Variants in IQCE observed in about 807,000 individuals in gnomAD.
The protein encoded by IQCE is IQ motif containing E.
Under a neutral mutation model 96.0 loss-of-function variants are expected in IQCE, and 115 were observed. The observed-to-expected ratio is 1.20, with a 90% CI of 1.03 to 1.40. The LOEUF (loss-of-function observed/expected upper bound fraction) is 1.40, where lower values mean the gene tolerates loss of function less well. IQCE is among the 40% of genes most tolerant of loss of function. The pLI is 0.00. For missense variants in IQCE, 1,041 were observed against 909.1 expected (o/e 1.15, Z -1.87); for synonymous variants, 412 against 371.2 (o/e 1.11, Z -1.26).
intron 3 of IQCE, among the ~76,000 whole-genome samples, chr7:2,570,420 A>T (rs534455297): frequency 6.6e-6 from 1 of 150,794 alleles, no homozygotes; most frequent in African/African-American, 2.4e-5. Context: ...ATAAATGACA[A>T]CTTAAATCTT....
rs776206111 is a variant in IQCE, at chr7:2,605,891, C to T, written c.1759C>T (p.Arg587Cys). Residue 587 changes from arginine to cysteine, a missense_variant, in exon 20 of 22, where the codon CGC (arginine) becomes TGC (cysteine). Physicochemically the swap from Arg to Cys is radical, Grantham distance 180. Coordinates refer to ENST00000402050, the MANE Select transcript of IQCE (RefSeq NM_152558.5). ...GLPDQSSPVP[R>C]VPSPIAQATG... ...TGCACCCCAGAGCTCTCCTGTGCCC[C>T]GCGTTCCGAGCCCCATCGCCCAGGC... is the stretch of plus-strand genomic sequence containing the variant. The T allele has an allele frequency of 1.5e-5, 24 of 1,605,306 alleles. No individual in the cohort carries two copies. The highest frequency in any genetic ancestry group is 1.0e-4 in the Admixed American group (6 of 58,770).
In IQCE at chr7:2,591,944, TGGG is replaced by T. The variant is rs1413885117; in HGVS notation, c.1245-1077_1245-1075del. ...GGCCTGCCTCGGCCTCCCAAAGTGC[TGGG>T]ATTACAGGCGTGAGCCACCGCACCC... On this transcript the variant is annotated intron_variant, in intron 14 of 21. Transcript: ENST00000402050. 2.4e-4 allele frequency among the ~76,000 whole-genome samples: 34 copies of T among 139,716 alleles called. 1 individual carries two copies. The highest frequency in any genetic ancestry group is 7.3e-3 in the Middle Eastern group (2 of 274). 91.7% of individuals were successfully genotyped at this position (139,716 alleles called of 152,430 possible).
At chr7:2,573,822 T>A (rs1236415534) in intron 6 of IQCE, among the ~76,000 whole-genome samples, 1 of 152,190 alleles carries the variant, frequency 6.6e-6, no homozygotes, top group East Asian at 1.9e-4. Context: ...GGTAGAGTCA[T>A]CAGTAACCTT....
intron 6 of IQCE, among the ~76,000 whole-genome samples, chr7:2,575,993 C>G (rs566031956): frequency 2.0e-5 from 3 of 152,358 alleles, no homozygotes; most frequent in East Asian, 1.9e-4. Flanking sequence ...AGTCCCGTTA[C>G]TAGAGCTCCC....
intron 6 of IQCE, among the ~76,000 whole-genome samples, chr7:2,577,753 G>T (rs1282261416): frequency 1.8e-5 from 2 of 110,508 alleles, no homozygotes; most frequent in Admixed American, 9.1e-5. Context: ...TGGCGTGTGC[G>T]TGGCTGTGCG....
chr7:2,559,335 C>T (rs1780741024), intron 1 of IQCE, 118 bp downstream of exon 1: 1 of 466,648 alleles, frequency 2.1e-6, no homozygotes, highest in Non-Finnish European at 3.3e-6. Flanking sequence ...GGACGGGGCG[C>T]ACGGCCGGGT....
rs1056386503 is a variant in IQCE at position 2,609,461 on chromosome 7, C to T, written c.1970-583C>T. Among the ~76,000 whole-genome samples the T allele has an allele frequency of 2.0e-4, 31 of 152,240 alleles. 1 individual carries two copies. The highest frequency in any genetic ancestry group is 6.5e-5 in the Admixed American group (1 of 15,294). ...CACCCAGCAGAAACGCTCCTACACA[C>T]GGGTAGCCACCCACCCAGGCCCCAG... On this transcript the variant is annotated intron_variant, in intron 21 of 21. Transcript: ENST00000402050.
Position 2,578,041 on chromosome 7 carries a change from G to GCGCGCA in IQCE, c.466-201_466-200insCGCGCA, listed in dbSNP as rs1259030405. Among the ~76,000 whole-genome samples the GCGCGCA allele has an allele frequency of 8.7e-4, 126 of 144,232 alleles. 6 individuals carry two copies. Among genetic ancestry groups the GCGCGCA allele is most frequent in the African/African-American group, 3.1e-3 (118 of 38,580 alleles). The allele number at this position is 144,232 out of a possible 152,430, so 94.6% of individuals were successfully genotyped here. On this transcript the variant is annotated intron_variant, in intron 6 of 21. Transcript: ENST00000402050. ...GCGCGCGGGGACGTGTGTGCGGCGT[G>GCGCGCA]TGCGCATTGGCGTGTGCGTGGCTGT...
At chr7:2,576,411 CTTTTTTTTTCT>C (rs1782126845) in intron 6 of IQCE, among the ~76,000 whole-genome samples, 1 of 151,298 alleles carries the variant, frequency 6.6e-6, no homozygotes, top group African/African-American at 2.4e-5. Flanking sequence ...ACTACAGAGT[CTTTTTTTTTCT>C]TTTTTTTTGA....
Position 2,607,519 on chromosome 7 carries a change from C to T in IQCE, c.1969+292C>T, listed in dbSNP as rs1190958374. On this transcript the variant is annotated intron_variant, in intron 21 of 21. Coordinates refer to ENST00000402050, the MANE Select transcript of IQCE (RefSeq NM_152558.5). ...GGCTTCCTCCTTCAGGCCAGCATTTCTCCTGTTTGTTTGTTGAGTAAAACC... is the reference window on the plus strand; with the variant it reads ...GGCTTCCTCCTTCAGGCCAGCATTTTTCCTGTTTGTTTGTTGAGTAAAACC... 6 of 1,292,518 alleles carry T rather than the reference C, an allele frequency of 4.6e-6. No homozygotes were observed. In the East Asian group the frequency reaches 1.2e-4, roughly 27 times the overall value. 80.1% of individuals were successfully genotyped at this position (1,292,518 alleles called of 1,614,324 possible).
chr7:2,604,921 C>G lies in IQCE; in HGVS notation c.1673C>G (p.Thr558Arg). ...CAGGCAGCTTTCAGGGGACATCTCA[C>G]GCGGACAAAGCTCTTAGCAAGCAAA... ...VLQAAFRGHLTRTKLLASKAH... is the reference protein window; with the variant it reads ...VLQAAFRGHLRRTKLLASKAH... Residue 558 changes from threonine (T) to arginine (R), a missense_variant, in exon 19 of 22, where the codon ACG becomes AGG. By Grantham distance (71) the Thr-to-Arg change is moderately conservative (BLOSUM62 -1). Coordinates refer to ENST00000402050, the MANE Select transcript of IQCE (RefSeq NM_152558.5). 3 of 1,613,774 alleles carry G rather than the reference C, an allele frequency of 1.9e-6. No individual in the cohort carries two copies. Among genetic ancestry groups the G allele is most frequent in the Non-Finnish European group, 2.5e-6 (3 of 1,179,962 alleles).
chr7:2,567,829 T>TG (rs1781492075), intron 2 of IQCE, among the ~76,000 whole-genome samples: 1 of 152,248 alleles, frequency 6.6e-6, no homozygotes, highest in African/African-American at 2.4e-5. Context: ...TCAGCTCCAC[T>TG]GTCTCCCTCC....
intron 1 of IQCE, among the ~76,000 whole-genome samples, chr7:2,563,004 C>T (rs1348050065): frequency 1.3e-5 from 2 of 152,194 alleles, no homozygotes; most frequent in Admixed American, 1.3e-4. Context: ...CAGCTCCCTG[C>T]AGCCTCATAC....
rs565250570 is a variant in IQCE, at chr7:2,594,543, C to T, written c.1350-343C>T. Among the ~76,000 whole-genome samples the T allele has an allele frequency of 1.3e-4, 20 of 152,372 alleles. No homozygotes were observed. In the South Asian group the frequency reaches 3.5e-3, roughly 27 times the overall value. On this transcript the variant is annotated intron_variant, in intron 15 of 21. Transcript: ENST00000402050. ...CTAGAGGGTTGGGATCACAGGCGTCCGGCCTGGCCTCCTACTTACTTATCA... is the reference window on the plus strand; with the variant it reads ...CTAGAGGGTTGGGATCACAGGCGTCTGGCCTGGCCTCCTACTTACTTATCA...
intron 2 of IQCE, 33 bp downstream of exon 2, chr7:2,567,196 CG>C: frequency 6.3e-7 from 1 of 1,594,500 alleles, no homozygotes; most frequent in Non-Finnish European, 8.6e-7. Context: ...CGTGCGACCT[CG>C]GGCTGGTTGC....
At chr7:2,564,530 G>A (rs1404015106) in intron 1 of IQCE, among the ~76,000 whole-genome samples, 1 of 152,066 alleles carries the variant, frequency 6.6e-6, no homozygotes, top group Non-Finnish European at 1.5e-5. Flanking sequence ...CCCGGGAGGT[G>A]GAGGTGGCAG....
chr7:2,586,596 T>A (rs1278499113), intron 12 of IQCE, among the ~76,000 whole-genome samples: 1 of 152,108 alleles, frequency 6.6e-6, no homozygotes, highest in Non-Finnish European at 1.5e-5. Flanking sequence ...GAGACAATGC[T>A]GTGGGAGGGA....
chr7:2,565,042 G>A (rs771391067), intron 1 of IQCE, among the ~76,000 whole-genome samples: 3 of 152,166 alleles, frequency 2.0e-5, no homozygotes, highest in African/African-American at 7.2e-5. Context: ...GATAGTGCTT[G>A]AAGGAGGCGG....
intron 1 of IQCE, among the ~76,000 whole-genome samples, chr7:2,562,323 A>G (rs1781029991): frequency 1.4e-5 from 2 of 146,954 alleles, no homozygotes; most frequent in African/African-American, 5.2e-5. Flanking sequence ...CATGCCTACT[A>G]GCATTTTGTT....
Sources: allele counts gnomAD v4.1 joint callset (sites outside exome capture counted in the v4.1 genomes callset), GRCh38; gene constraint gnomAD v4.1.1; transcripts MANE v1.5; gene names NCBI Gene and HGNC (gene_info 2026-07-23, HGNC 2026-07-21).